STXBP4: variants seen among roughly 807,000 people sequenced by gnomAD.
STXBP4 encodes the protein syntaxin-binding protein 4.
STXBP4 carries 55 observed loss-of-function variants against 76.1 expected under a neutral mutation model. That is an observed-to-expected ratio of 0.72 (90% confidence interval 0.58 to 0.91). The LOEUF (loss-of-function observed/expected upper bound fraction) is 0.91. Ranked by LOEUF, STXBP4 falls within the 40% of genes least tolerant of loss-of-function variation. STXBP4 has a pLI of 0.00. For synonymous variants in STXBP4, 201 were observed against 220.2 expected, an observed-to-expected ratio of 0.91 and a Z score of 0.77; for missense variants, 618 against 636.9, an observed-to-expected ratio of 0.97 and a Z score of 0.32.
At chr17:55,159,742 G>T in intron 17 of STXBP4, 55 bp from the exon 18 acceptor site, 1 of 1,206,058 alleles carries the variant, frequency 8.3e-7, no homozygotes. Flanking sequence ...GTACTTGCAT[G>T]GATGAGTAGA....
chr17:55,113,735 G>A (rs754047466), intron 16 of STXBP4, among the ~76,000 whole-genome samples: 6 of 152,056 alleles, frequency 3.9e-5, no homozygotes, highest in Non-Finnish European at 7.4e-5. Flanking sequence ...AGAGGCAATC[G>A]TCATTTACAT....
chr17:55,014,890 T>A (rs1390051798), intron 8 of STXBP4, among the ~76,000 whole-genome samples: 1 of 152,020 alleles, frequency 6.6e-6, no homozygotes, highest in African/African-American at 2.4e-5. Flanking sequence ...TCCGCTTGCC[T>A]GAGGGCCATG....
intron 8 of STXBP4, among the ~76,000 whole-genome samples, chr17:55,011,837 C>T (rs978450825): frequency 6.6e-6 from 1 of 152,092 alleles, no homozygotes; most frequent in Non-Finnish European, 1.5e-5. Flanking sequence ...AGTCCTGTCT[C>T]TCAGTCCCCC....
At chr17:55,102,834 T>C (rs1001182636) in intron 16 of STXBP4, among the ~76,000 whole-genome samples, 1 of 152,222 alleles carries the variant, frequency 6.6e-6, no homozygotes, top group Non-Finnish European at 1.5e-5. Flanking sequence ...TGGCGTGAGA[T>C]GGTATCTCAT....
intron 7 of STXBP4, among the ~76,000 whole-genome samples, chr17:55,004,352 C>T (rs2077969912): frequency 6.6e-6 from 1 of 152,030 alleles, no homozygotes; most frequent in South Asian, 2.1e-4. Flanking sequence ...TTGTATTGAT[C>T]CTTTCCTTAC....
the STXBP4 span, among the ~76,000 whole-genome samples, chr17:55,185,254 T>TCTTCTTCTTCTTCTTCTTCTC: frequency 4.0e-5 from 2 of 50,480 alleles, no homozygotes; most frequent in African/African-American, 1.9e-4. Context: ...TTCTTCTCCT[T>TCTTCTTCTTCTTCTTCTTCTC]CTCCTTCTCC....
rs1365793894 is a variant in STXBP4, at chr17:55,034,156, G to A, written c.764-12G>A. The stretch of plus-strand genomic sequence containing the variant: ...AAATGCCATGTTCTTACTTAAATGT[G>A]TTCCATTTTAGATTTTGTCCAGGTT... On this transcript the variant is annotated splice_polypyrimidine_tract_variant and intron_variant, in intron 9 of 17. Transcript: ENST00000376352. The A allele has an allele frequency of 1.2e-6, 2 of 1,604,340 alleles. No individual in the cohort carries two copies. The highest frequency in any genetic ancestry group is 1.7e-5 in the Admixed American group (1 of 59,894).
intron 16 of STXBP4, among the ~76,000 whole-genome samples, chr17:55,132,002 T>G (rs1036982245): frequency 7.2e-5 from 11 of 152,138 alleles, no homozygotes; most frequent in African/African-American, 2.7e-4. Flanking sequence ...AGGTTACAAA[T>G]GTGAGCCACT....
chr17:55,011,502 C>CTTTCTCTTTTT (rs1323375714), intron 8 of STXBP4, among the ~76,000 whole-genome samples: 1 of 34,318 alleles, frequency 2.9e-5, no homozygotes, highest in Non-Finnish European at 5.0e-5. Context: ...AGTTTATTTT[C>CTTTCTCTTTTT]TTTTTCTTTT....
chr17:55,212,322 T>G, the STXBP4 span, among the ~76,000 whole-genome samples: 1 of 152,142 alleles, frequency 6.6e-6, no homozygotes, highest in Non-Finnish European at 1.5e-5. Flanking sequence ...GGGCACTCAA[T>G]AAATACTTAT....
chr17:55,032,220 A>G (rs1337053813), intron 9 of STXBP4, among the ~76,000 whole-genome samples: 1 of 152,086 alleles, frequency 6.6e-6, no homozygotes, highest in African/African-American at 2.4e-5. Flanking sequence ...GTAACATTGT[A>G]TTATTTATAA....
chr17:55,052,899 A>C (rs1451853808), intron 12 of STXBP4, among the ~76,000 whole-genome samples: 1 of 138,092 alleles, frequency 7.2e-6, no homozygotes, highest in Non-Finnish European at 1.6e-5. Flanking sequence ...AAAAAAAAAA[A>C]AAAAAGACGT....
At chr17:55,021,768 A>C (rs751092581) in intron 8 of STXBP4, among the ~76,000 whole-genome samples, 4 of 152,224 alleles carry the variant, frequency 2.6e-5, no homozygotes, top group African/African-American at 4.8e-5. Flanking sequence ...TAACTTTCAC[A>C]TAAATTATAA....
At chr17:55,189,404 T>C in the STXBP4 span, among the ~76,000 whole-genome samples, 2 of 152,192 alleles carry the variant, frequency 1.3e-5, no homozygotes, top group Non-Finnish European at 2.9e-5. Context: ...GAGAGAAAGA[T>C]GGATTTTCTG....
chr17:55,003,920 C>G (rs897205128), intron 7 of STXBP4, among the ~76,000 whole-genome samples: 7 of 151,744 alleles, frequency 4.6e-5, no homozygotes, highest in African/African-American at 1.7e-4. Context: ...ATCTGTAATC[C>G]CAGAACTTTG....
intron 16 of STXBP4, among the ~76,000 whole-genome samples, chr17:55,092,133 C>T (rs2079422721): frequency 6.6e-6 from 1 of 152,098 alleles, no homozygotes; most frequent in African/African-American, 2.4e-5. Flanking sequence ...CTAAGAATGA[C>T]ACAATGGACT....
intron 10 of STXBP4, among the ~76,000 whole-genome samples, chr17:55,035,581 G>C (rs1443991806): frequency 1.3e-5 from 2 of 151,500 alleles, no homozygotes; most frequent in Non-Finnish European, 3.0e-5. Flanking sequence ...TGTTTATAAG[G>C]CTTTACAAAT....
intron 16 of STXBP4, among the ~76,000 whole-genome samples, chr17:55,094,840 A>G (rs2144986360): frequency 6.6e-6 from 1 of 152,370 alleles, no homozygotes; most frequent in South Asian, 2.1e-4. Flanking sequence ...TTCTTCAGTC[A>G]TAAAAATCAG....
chr17:55,014,186 G>C (rs1032166716), intron 8 of STXBP4, among the ~76,000 whole-genome samples: 2 of 152,130 alleles, frequency 1.3e-5, no homozygotes, highest in Non-Finnish European at 2.9e-5. Context: ...CCTTTAGGGG[G>C]AGGGAGGCAG....
Sources: allele counts gnomAD v4.1 joint callset (sites outside exome capture counted in the v4.1 genomes callset), GRCh38; gene constraint gnomAD v4.1.1; transcripts MANE v1.5; gene names NCBI Gene and HGNC (gene_info 2026-07-23, HGNC 2026-07-21).